IGFN1: variants seen among roughly 807,000 people sequenced by gnomAD.
IGFN1 encodes the protein immunoglobulin like and fibronectin type III domain containing 1.
Under a neutral mutation model 289.5 loss-of-function variants are expected in IGFN1, and 253 were observed. That is an observed-to-expected ratio of 0.87 (90% confidence interval 0.79 to 0.97). The LOEUF is 0.97. IGFN1 is among the 50% of genes least tolerant of loss of function. The pLI is 0.00. For missense variants in IGFN1, 4,470 were observed against 4,686.1 expected (o/e 0.95, Z 1.35); for synonymous variants, 1,706 against 1,788.5 (o/e 0.95, Z 1.16).
chr1:201,191,192 G>A (rs1379840832), intron 1 of IGFN1, among the ~76,000 whole-genome samples: 1 of 152,198 alleles, frequency 6.6e-6, no homozygotes, highest in African/African-American at 2.4e-5. Context: ...GTGATACGAT[G>A]ACCAGATTAA....
chr1:201,217,261 C>A, intron 16 of IGFN1, 26 bp from the exon 17 acceptor site: 1 of 1,607,804 alleles, frequency 6.2e-7, no homozygotes, highest in South Asian at 1.1e-5. Context: ...AGGCCTCTGG[C>A]TGACTGGAAT....
intron 18 of IGFN1, among the ~76,000 whole-genome samples, chr1:201,220,082 TTTTC>T (rs1206971221): frequency 2.7e-5 from 4 of 149,734 alleles, no homozygotes; most frequent in Admixed American, 6.6e-5. Flanking sequence ...TTCTTTCTCT[TTTTC>T]TTTCTTTCTT....
chr1:201,212,634 C>G lies in IGFN1; in HGVS notation c.7741C>G (p.Leu2581Val). The change falls in exon 12 of 24, where the codon CTT (leucine) becomes GTT (valine). Residue 2581 changes from leucine to valine, a missense_variant. By Grantham distance (32) the Leu-to-Val change is conservative (BLOSUM62 1). Transcript: ENST00000335211. ...GGCATCTCAGGGAGGTGGGGACTCA[C>G]TTTTGGGAGGCAGAAGGGTAGGCTC... ...GLASQGGGDS[L>V]LGGRRVGSGS... 1 of 1,541,266 alleles carries G rather than the reference C, an allele frequency of 6.5e-7. No individual in the cohort carries two copies. The highest frequency in any genetic ancestry group is 8.8e-7 in the Non-Finnish European group (1 of 1,141,480).
At position 201,193,293 on chromosome 1, in the gene IGFN1, T is replaced by C. The variant is rs762824107; in HGVS notation, c.-1T>C. ...AGAGGAGTCAAAGAGGAGGCAGAAC[T>C]ATGGCAGGTAAGAGAAGAACTAATC... On this transcript the variant is annotated 5_prime_UTR_variant, in exon 2 of 24. Coordinates refer to ENST00000335211, the MANE Select transcript of IGFN1 (RefSeq NM_001164586.2). The C allele has an allele frequency of 1.9e-6, 3 of 1,541,022 alleles. No homozygotes were observed. In the South Asian group the frequency reaches 3.6e-5, roughly 18 times the overall value.
Position 201,206,040 on chromosome 1 carries a change from C to T in IGFN1, c.1190-43C>T. ...GTTTTGGTATTTTCTCTTGTCTCTC[C>T]ATGTGGGCACTGACCTTCCATATGA... On this transcript the variant is annotated intron_variant, in intron 11 of 23. Coordinates refer to ENST00000335211, the MANE Select transcript of IGFN1 (RefSeq NM_001164586.2). The T allele has an allele frequency of 2.3e-6, 3 of 1,320,882 alleles. No homozygotes were observed. In the South Asian group the frequency reaches 3.9e-5, roughly 17 times the overall value. 81.8% of individuals were successfully genotyped at this position (1,320,882 alleles called of 1,614,324 possible). A position where few individuals can be genotyped will look rare whatever the true frequency, so the allele number is the denominator to read the frequency against.
Position 201,207,312 on chromosome 1 carries a change from G to A in IGFN1, c.2419G>A (p.Glu807Lys). ...AACAGCTTGGGCCTCGGGTGAGGTA[G>A]AGTATGACCCCAGAAGCTTCCAGTC... ...QETAWASGEVEYDPRSFQSSQ... is the reference protein window; with the variant it reads ...QETAWASGEVKYDPRSFQSSQ... Residue 807 changes from glutamate (E) to lysine (K), a missense_variant, in exon 12 of 24, where the codon GAG becomes AAG. By Grantham distance (56) the Glu-to-Lys change is moderately conservative (BLOSUM62 1). Around this residue, in one of 8 missense-constraint regions of IGFN1, gnomAD observed 2,011 missense variants for 1,953.4 expected, o/e 1.03. Transcript: ENST00000335211. 1.3e-6 allele frequency: 2 copies of A among 1,536,826 alleles called. No individual in the cohort carries two copies. The highest frequency in any genetic ancestry group is 1.2e-5 in the South Asian group (1 of 84,062).
chr1:201,224,809 A>G lies in IGFN1; in HGVS notation c.10421A>G (p.Tyr3474Cys), dbSNP rs781040816. 2.5e-6 allele frequency: 4 copies of G among 1,613,940 alleles called. 1 individual carries two copies. The South Asian group carries it at 4.4e-5, about 18-fold the overall frequency. The part of the protein sequence containing the change: ...PVAGLSDSGL[Y>C]TVVLRTLQGK... ...GCTGGACTCTCAGACAGTGGTCTCT[A>G]CACTGTGGTGCTGAGGACCCTGCAG... Residue 3474 changes from tyrosine (Y) to cysteine (C), a missense_variant, in exon 21 of 24, where the codon TAC (tyrosine) becomes TGC (cysteine). By Grantham distance (194) the Tyr-to-Cys change is radical. Transcript: ENST00000335211.
chr1:201,200,806 G>A (rs927643569), intron 8 of IGFN1, among the ~76,000 whole-genome samples: 3 of 151,706 alleles, frequency 2.0e-5, no homozygotes, highest in Non-Finnish European at 2.9e-5. Flanking sequence ...CAGATTGCGG[G>A]GGGGAGGTAC....
In IGFN1 at chr1:201,209,389, TG is replaced by T; in HGVS notation, c.4501del (p.Val1501PhefsTer17). 2 of 1,512,510 alleles carry T rather than the reference TG, an allele frequency of 1.3e-6. No homozygotes were observed. Among genetic ancestry groups the T allele is most frequent in the South Asian group, 2.5e-5 (2 of 80,278 alleles). The allele number at this position is 1,512,510 out of a possible 1,614,324, so 93.7% of individuals were successfully genotyped here. ...GLIEAGYRKD[L>X]GVSEGGGSGS... ...ATTGAGGCAGGCTATAGGAAAGATT[TG>T]GGGGTTTCTGAGGGAGGGGGTTCAG... On this transcript the variant is annotated frameshift_variant, in exon 12 of 24. Coordinates refer to ENST00000335211, the MANE Select transcript of IGFN1 (RefSeq NM_001164586.2). LOFTEE classifies it high-confidence loss of function.
Position 201,209,217 on chromosome 1 carries a change from T to C in IGFN1, c.4324T>C (p.Tyr1442His). 1 of 1,491,384 alleles carries C rather than the reference T, an allele frequency of 6.7e-7. No individual in the cohort carries two copies. The highest frequency in any genetic ancestry group is 8.9e-7 in the Non-Finnish European group (1 of 1,129,256). The allele number at this position is 1,491,384 out of a possible 1,614,324, so 92.4% of individuals were successfully genotyped here. The stretch of plus-strand genomic sequence containing the variant: ...AATGGGCACAGGGAGCAAGGCAGGT[T>C]ATAGGGATGGCTTAAGGGGTTCTGG... ...EGMGTGSKAG[Y>H]RDGLRGSGEM... is the part of the protein sequence containing the mutation. Residue 1442 changes from tyrosine (Y) to histidine (H), a missense_variant, in exon 12 of 24, where the codon TAT becomes CAT. Coordinates refer to ENST00000335211, the MANE Select transcript of IGFN1 (RefSeq NM_001164586.2).
In IGFN1 at chr1:201,200,330, G is replaced by A. The variant is rs1202665971; in HGVS notation, c.552G>A (p.Leu184=). The A allele has an allele frequency of 1.9e-6, 3 of 1,551,636 alleles. No homozygotes were observed. The highest frequency in any genetic ancestry group is 1.2e-5 in the South Asian group (1 of 84,064). The change falls in exon 8 of 24, where the codon TTG becomes TTA. Residue 184 remains leucine (L), a synonymous_variant. Transcript: ENST00000335211. ...ADRKDYEKIC[L]KYGIVDYRGM... Reference sequence around the variant, plus strand: ...GGAAGGACTACGAGAAGATCTGCTTGAAGTATGGCATCGTCGACTACCGTG... The same window carrying A: ...GGAAGGACTACGAGAAGATCTGCTTAAAGTATGGCATCGTCGACTACCGTG...
chr1:201,196,048 G>T (rs572193201), intron 4 of IGFN1, 70 bp downstream of exon 4: 1 of 1,468,268 alleles, frequency 6.8e-7, no homozygotes, highest in East Asian at 2.5e-5. Flanking sequence ...GGTCTCTTTG[G>T]CAGCCTCCAA....
At chr1:201,191,061 TG>T (rs2102311074) in intron 1 of IGFN1, among the ~76,000 whole-genome samples, 154 bp downstream of exon 1, 1 of 152,248 alleles carries the variant, frequency 6.6e-6, no homozygotes, top group South Asian at 2.1e-4. Flanking sequence ...GATCACACGC[TG>T]GGGTGCACCT....
rs1667163832 is a variant in IGFN1 at position 201,201,615 on chromosome 1, G to A, written c.634-104G>A. 1.7e-5 allele frequency: 11 copies of A among 639,398 alleles called. No homozygotes were observed. The South Asian group carries it at 1.9e-4, about 11-fold the overall frequency. 39.6% of individuals were successfully genotyped at this position (639,398 alleles called of 1,614,324 possible). The stretch of plus-strand genomic sequence containing the variant: ...AAAAGGGGCCAATGCATGCTCATCT[G>A]GAACGCTGTGGGCCTGGGATGGTAC... On this transcript the variant is annotated intron_variant, in intron 8 of 23. Coordinates refer to ENST00000335211, the MANE Select transcript of IGFN1 (RefSeq NM_001164586.2).
rs12757706 is a variant in IGFN1, at chr1:201,209,342, G to A, written c.4449G>A (p.Arg1483=). The stretch of plus-strand genomic sequence containing the variant: ...AGGCAGGTTACAGGGGTGGTTTAAG[G>A]GGTTCTGGGGAAATGGGGTTAATTG... The part of the protein sequence containing the change: ...GSKAGYRGGL[R]GSGEMGLIEA... The change falls in exon 12 of 24, where the codon AGG becomes AGA. Residue 1483 remains arginine (R), a synonymous_variant. Transcript: ENST00000335211. 496,663 of 1,484,432 alleles carry A rather than the reference G, an allele frequency of 0.33. 84,442 individuals carry two copies. The highest frequency in any genetic ancestry group is 0.38 in the South Asian group (27,591 of 73,050). 92.0% of individuals were successfully genotyped at this position (1,484,432 alleles called of 1,614,324 possible).
chr1:201,204,367 T>C (rs781389950), intron 10 of IGFN1, among the ~76,000 whole-genome samples: 2 of 152,188 alleles, frequency 1.3e-5, no homozygotes, highest in Non-Finnish European at 2.9e-5. Context: ...CTGACACTCC[T>C]CCTTCATCAA....
chr1:201,211,865 A>G lies in IGFN1; in HGVS notation c.6972A>G (p.Gln2324=). 1 of 1,534,566 alleles carries G rather than the reference A, an allele frequency of 6.5e-7. No homozygotes were observed. Among genetic ancestry groups the G allele is most frequent in the East Asian group, 2.4e-5 (1 of 40,884 alleles). ...CATGGAATGAGGCAGGTTCTAGGCA[A>G]GGCTTTGGGGGAACTAGTGGCATGG... ...ILSWNEAGSR[Q]GFGGTSGMGS... is the part of the protein sequence containing the mutation. Residue 2324 remains glutamine, a synonymous_variant, in exon 12 of 24, where the codon CAA becomes CAG. Transcript: ENST00000335211.
intron 4 of IGFN1, among the ~76,000 whole-genome samples, chr1:201,196,317 G>A (rs1666914887): frequency 6.6e-6 from 1 of 152,176 alleles, no homozygotes; most frequent in African/African-American, 2.4e-5. Flanking sequence ...TTGTAAAAAT[G>A]GGATAATAAT....
At position 201,205,123 on chromosome 1, in the gene IGFN1, T is replaced by C; in HGVS notation, c.958T>C (p.Cys320Arg). ...GGTGGTCCCACTGGCGGAGACCCAC[T>C]GTGAGGAGCAGGGTGACGCAGTCTT... ...RVVVPLAETH[C>R]EEQGDAVFEC... The change falls in exon 11 of 24, where the codon TGT becomes CGT. Residue 320 changes from cysteine (C) to arginine (R), a missense_variant. By Grantham distance (180) the Cys-to-Arg change is radical. Transcript: ENST00000335211. 1 of 1,550,610 alleles carries C rather than the reference T, an allele frequency of 6.4e-7. No homozygotes were observed. Among genetic ancestry groups the C allele is most frequent in the South Asian group, 1.2e-5 (1 of 84,030 alleles).
Sources: gnomAD v4.1 joint callset for allele counts (sites outside exome capture counted in the v4.1 genomes callset) on GRCh38, gnomAD v4.1.1 for gene constraint, gnomAD v4.1.1 regional missense constraint, MANE v1.5 for transcripts, NCBI Gene and HGNC (gene_info 2026-07-23, HGNC 2026-07-21) for gene names.